The following PRRC2B variants were observed in gnomAD, a reference collection of about 807,000 sequenced individuals.
PRRC2B encodes the protein protein PRRC2B.
PRRC2B carries 68 observed loss-of-function variants against 242.3 expected under a neutral mutation model. The observed-to-expected ratio is 0.28, with a 90% CI of 0.23 to 0.34. The LOEUF is 0.34. Ranked by LOEUF, PRRC2B falls within the 10% of genes least tolerant of loss-of-function variation. PRRC2B has a pLI of 1.00. For synonymous variants in PRRC2B, 1,228 were observed against 1,173.6 expected, an observed-to-expected ratio of 1.05 and a Z score of -0.95; for missense variants, 2,835 against 2,954.8, an observed-to-expected ratio of 0.96 and a Z score of 0.94.
upstream of PRRC2B, among the ~76,000 whole-genome samples, chr9:131,393,082 GA>G (rs1279704974): frequency 6.6e-6 from 1 of 152,182 alleles, no homozygotes; most frequent in East Asian, 1.9e-4. Flanking sequence ...GAGTTAGGCT[GA>G]AGTGGGTTAA....
In PRRC2B at chr9:131,385,339, C is replaced by G. The variant is rs531983863; in HGVS notation, c.-56+11608C>G. ...CTGGGTAACGAGCGAAAAACTCCGT[C>G]TCAAAAAAAAAAAAAGTTTCCTTCA... On this transcript the variant is annotated intron_variant, in intron 1 of 1. Transcript: ENST00000682525. Among the ~76,000 whole-genome samples the G allele has an allele frequency of 3.9e-4, 57 of 148,032 alleles. 2 individuals are homozygous for G. The highest frequency in any genetic ancestry group is 7.3e-4 in the Non-Finnish European group (49 of 66,728).
At position 131,464,804 on chromosome 9, in the gene PRRC2B, G is replaced by T; in HGVS notation, c.1446G>T (p.Glu482Asp). Residue 482 changes from glutamate (E) to aspartate (D), a missense_variant, in exon 12 of 32, where the codon GAG becomes GAT. Around this residue, in one of 7 missense-constraint regions of PRRC2B, gnomAD observed 626 missense variants for 685.5 expected, o/e 0.91. Coordinates refer to ENST00000683519, the MANE Select transcript of PRRC2B (RefSeq NM_013318.4). ...GCATGTTCCGGCAACAGTCCATCGA[G>T]GACAAGGAGGACAAGCCCCCACCAA... ...MGSMFRQQSI[E>D]DKEDKPPPRQ... The T allele has an allele frequency of 6.2e-7, 1 of 1,611,446 alleles. No individual in the cohort carries two copies. Among genetic ancestry groups the T allele is most frequent in the Admixed American group, 1.7e-5 (1 of 59,904 alleles).
chr9:131,373,666 C>T (rs919365060), exon 1 of PRRC2B: 10 of 152,240 alleles, frequency 6.6e-5, no homozygotes, highest in East Asian at 1.9e-4. Context: ...CCGCTCTGGG[C>T]CGCCGCGATT....
Position 131,398,176 on chromosome 9 carries a change from G to C in PRRC2B, c.-52+3913G>C, listed in dbSNP as rs568808395. ...TCAGACTGGACCTCCTCACCTGGGA[G>C]CTGGCAGACCTGGGCCTTGCCATTG... is the stretch of plus-strand genomic sequence containing the variant. On this transcript the variant is annotated intron_variant, in intron 1 of 31. Coordinates refer to ENST00000683519, the MANE Select transcript of PRRC2B (RefSeq NM_013318.4). 1.1e-4 allele frequency among the ~76,000 whole-genome samples: 17 copies of C among 152,360 alleles called. No homozygotes were observed. In the East Asian group the frequency reaches 3.3e-3, roughly 29 times the overall value.
chr9:131,485,459 C>T (rs1463068526), intron 25 of PRRC2B, among the ~76,000 whole-genome samples: 3 of 152,196 alleles, frequency 2.0e-5, no homozygotes, highest in Admixed American at 6.5e-5. Context: ...GTGAGCAGCT[C>T]TTGCCGAGCC....
rs1170494539 is a variant in PRRC2B, at chr9:131,466,640, G to A, written c.1721-923G>A. 4.0e-5 allele frequency among the ~76,000 whole-genome samples: 6 copies of A among 151,402 alleles called. No homozygotes were observed. The East Asian group carries it at 9.7e-4, about 24-fold the overall frequency. On this transcript the variant is annotated intron_variant, in intron 12 of 31. Transcript: ENST00000683519. ...CTATCAGTCCTTTTTTTTTTGCTGG[G>A]GGGAGATGGAGTCTTGCTCTGTCAC...
At chr9:131,391,384 C>T (rs1231734674), upstream of PRRC2B, among the ~76,000 whole-genome samples, 1 of 152,146 alleles carries the variant, frequency 6.6e-6, no homozygotes, top group Admixed American at 6.6e-5. Flanking sequence ...TCTTCTCCGA[C>T]TCCGACCCTC....
chr9:131,473,439 T>C (rs890559467), intron 14 of PRRC2B, 69 bp from the exon 15 acceptor site: 4 of 1,238,076 alleles, frequency 3.2e-6, no homozygotes, highest in African/African-American at 3.0e-5. Context: ...TTTGGGCCTT[T>C]GGTTGACCCT....
chr9:131,475,722 C>G lies in PRRC2B; in HGVS notation c.3593C>G (p.Pro1198Arg). The G allele has an allele frequency of 6.2e-7, 1 of 1,613,256 alleles. No homozygotes were observed. The highest frequency in any genetic ancestry group is 8.5e-7 in the Non-Finnish European group (1 of 1,179,706). ...HSGLDAKSRGPRAFGRALPPR... is the reference protein window; with the variant it reads ...HSGLDAKSRGRRAFGRALPPR... ...GGTCTAGATGCCAAGAGCCGAGGCC[C>G]TCGGGCCTTTGGGCGAGCCCTCCCT... Residue 1198 changes from proline to arginine, a missense_variant, in exon 16 of 32, where the codon CCT (proline) becomes CGT (arginine). Coordinates refer to ENST00000683519, the MANE Select transcript of PRRC2B (RefSeq NM_013318.4).
rs1285943599 is a variant in PRRC2B at position 131,394,128 on chromosome 9, C to T, written c.-187C>T. The T allele has an allele frequency of 6.7e-6, 1 of 149,314 alleles. No individual in the cohort carries two copies. The highest frequency in any genetic ancestry group is 1.8e-4 in the South Asian group (1 of 5,646). The allele number at this position is 149,314 out of a possible 1,614,324, so 9.2% of individuals were successfully genotyped here. ...TCCACCGCGCAGCGACGAGCGAGCC[C>T]GGGAGGAGGGAGGGAGCGAGCGAGC... On this transcript the variant is annotated 5_prime_UTR_variant, in exon 1 of 32. Transcript: ENST00000683519.
chr9:131,473,735 G>A lies in PRRC2B; in HGVS notation c.2324+11G>A, dbSNP rs1246375502. The A allele has an allele frequency of 1.2e-6, 2 of 1,606,052 alleles. No homozygotes were observed. On this transcript the variant is annotated intron_variant, in intron 15 of 31. Transcript: ENST00000683519. The stretch of plus-strand genomic sequence containing the variant: ...GGACATGCGTGTCAGGTGAGATGAA[G>A]CCTGGTCCTGCTGCCTTGCCACTGA...
At chr9:131,400,109 G>A (rs1265979887) in intron 1 of PRRC2B, among the ~76,000 whole-genome samples, 3 of 151,756 alleles carry the variant, frequency 2.0e-5, no homozygotes, top group Non-Finnish European at 4.4e-5. Context: ...TTTGAGGCAG[G>A]GTCTCACTTT....
chr9:131,398,114 ATTGT>A (rs2131279037), intron 1 of PRRC2B, among the ~76,000 whole-genome samples: 1 of 152,256 alleles, frequency 6.6e-6, no homozygotes, highest in Admixed American at 6.5e-5. Flanking sequence ...GTGAAATAGA[ATTGT>A]TTGTCATTAG....
rs1838885117 is a variant in PRRC2B at position 131,448,543 on chromosome 9, C to CAAAAAAAAAAAAAAAAAACA, written c.1120+757_1120+758insCAAAAAAAAAAAAAAAAAAA. Among the ~76,000 whole-genome samples the CAAAAAAAAAAAAAAAAAACA allele has an allele frequency of 4.0e-4, 16 of 39,870 alleles. 3 individuals are homozygous for CAAAAAAAAAAAAAAAAAACA. The highest frequency in any genetic ancestry group is 9.1e-4 in the African/African-American group (11 of 12,032). 26.2% of individuals were successfully genotyped at this position (39,870 alleles called of 152,430 possible). On this transcript the variant is annotated intron_variant, in intron 9 of 31. Coordinates refer to ENST00000683519, the MANE Select transcript of PRRC2B (RefSeq NM_013318.4). ...TGGGCGACAGAGGGAGACACTGTCTCAAAAAAAAAAAAAAAAAAAAAAAAA... is the reference window on the plus strand; with the variant it reads ...TGGGCGACAGAGGGAGACACTGTCTCAAAAAAAAAAAAAAAAAACAAAAAAAAAAAAAAAAAAAAAAAAAA...
intron 1 of PRRC2B, among the ~76,000 whole-genome samples, chr9:131,412,521 G>C (rs2131298590): frequency 6.6e-6 from 1 of 152,322 alleles, no homozygotes. Context: ...CCTAGGTTTG[G>C]AGTTAACTGG....
At chr9:131,408,274 G>GA (rs1837419769) in intron 1 of PRRC2B, among the ~76,000 whole-genome samples, 1 of 152,170 alleles carries the variant, frequency 6.6e-6, no homozygotes, top group African/African-American at 2.4e-5. Context: ...GGACACAAAC[G>GA]AAAAATGTGC....
At chr9:131,395,619 G>A (rs1229556008) in intron 1 of PRRC2B, among the ~76,000 whole-genome samples, 1 of 152,182 alleles carries the variant, frequency 6.6e-6, no homozygotes, top group Non-Finnish European at 1.5e-5. Flanking sequence ...ACGGTTGTTG[G>A]TATAACTGCT....
At chr9:131,416,117 T>G (rs1837641973) in intron 1 of PRRC2B, among the ~76,000 whole-genome samples, 1 of 151,776 alleles carries the variant, frequency 6.6e-6, no homozygotes. Flanking sequence ...TTTCTTTCTT[T>G]TTTTTTTTTA....
chr9:131,482,694 C>G lies in PRRC2B; in HGVS notation c.5176-16C>G, dbSNP rs1943903691. On this transcript the variant is annotated splice_polypyrimidine_tract_variant and intron_variant, in intron 21 of 31. Transcript: ENST00000683519. This position sits in a 1 kb window ranked among gnomAD's most constrained non-coding sequence, Gnocchi z 5.2. ...TTCCAGTCTGTGTGTCTCCACCTCT[C>G]TGCTTTTTTATCAAGGATTCAGAAC... The G allele has an allele frequency of 3.2e-6, 5 of 1,550,526 alleles. No homozygotes were observed. Among genetic ancestry groups the G allele is most frequent in the Non-Finnish European group, 4.3e-6 (5 of 1,150,242 alleles).
Sources: gnomAD v4.1 joint callset for allele counts (sites outside exome capture counted in the v4.1 genomes callset) on GRCh38, gnomAD v4.1.1 for gene constraint, gnomAD v4.1.1 regional missense constraint, Gnocchi (gnomAD v3.1) non-coding constraint, MANE v1.5 for transcripts, NCBI Gene and HGNC (gene_info 2026-07-23, HGNC 2026-07-21) for gene names.